Variants in NEDD4L observed in about 807,000 individuals in gnomAD.
NEDD4L encodes E3 ubiquitin-protein ligase NEDD4-like.
NEDD4L carries 54 observed loss-of-function variants against 148.9 expected under a neutral mutation model. The ratio of observed to expected loss-of-function variants is 0.36; its 90% CI spans 0.29 to 0.45. The LOEUF (loss-of-function observed/expected upper bound fraction) is 0.45. NEDD4L is among the 20% of genes least tolerant of loss of function. The pLI is 1.00. For missense variants in NEDD4L, 856 were observed against 1,233.8 expected (o/e 0.69, Z 4.59); for synonymous variants, 433 against 440.7 (o/e 0.98, Z 0.22).
chr18:58,276,212 T>TTG (rs1555782967), intron 5 of NEDD4L, among the ~76,000 whole-genome samples: 5,485 of 103,108 alleles, frequency 0.053, 371 homozygotes, highest in African/African-American at 0.19. Context: ...TTTTTTTTTT[T>TTG]GGGTGGGGAG....
intron 13 of NEDD4L, 156 bp from the exon 14 acceptor site, chr18:58,340,882 A>G (rs1299509696): frequency 5.8e-6 from 4 of 694,290 alleles, no homozygotes; most frequent in East Asian, 5.9e-5. Context: ...TTGGAAATCT[A>G]TTGCTGTTTT....
chr18:58,329,137 C>T lies in NEDD4L; in HGVS notation c.813+10C>T. On this transcript the variant is annotated intron_variant, in intron 10 of 30. Coordinates refer to ENST00000400345, the MANE Select transcript of NEDD4L (RefSeq NM_001144967.3). ...CGGGGATGTCCCCGAGGTACGATGT[C>T]CCCAGAATGGTGCAAAGCCCGGCAG... 2 of 1,613,228 alleles carry T rather than the reference C, an allele frequency of 1.2e-6. No homozygotes were observed. Among genetic ancestry groups the T allele is most frequent in the Non-Finnish European group, 1.7e-6 (2 of 1,179,558 alleles).
chr18:58,131,498 C>G (rs555158174), intron 1 of NEDD4L, among the ~76,000 whole-genome samples: 6 of 150,556 alleles, frequency 4.0e-5, no homozygotes, highest in African/African-American at 1.5e-4. Flanking sequence ...TCTAGTGGAA[C>G]TGTGGTGGTG....
intron 16 of NEDD4L, among the ~76,000 whole-genome samples, chr18:58,347,220 C>CA (rs2043204128): frequency 9.0e-6 from 1 of 111,682 alleles, no homozygotes; most frequent in Non-Finnish European, 1.9e-5. Context: ...CCCCGCCCCC[C>CA]CCCCCCCTTT....
At chr18:58,216,993 T>A (rs7229050) in intron 2 of NEDD4L, among the ~76,000 whole-genome samples, 2,942 of 152,262 alleles carry the variant, frequency 0.019, 93 homozygotes, top group African/African-American at 0.067. Flanking sequence ...AATCTTGGGG[T>A]CTTTTCAAAT....
intron 2 of NEDD4L, among the ~76,000 whole-genome samples, chr18:58,199,748 TTTG>T (rs1413632018): frequency 3.3e-5 from 5 of 152,216 alleles, no homozygotes; most frequent in African/African-American, 1.2e-4. Context: ...TAGGCCTGAA[TTTG>T]TTATTAGCTT....
chr18:58,264,222 G>T (rs1013868101), intron 5 of NEDD4L, among the ~76,000 whole-genome samples: 3 of 151,950 alleles, frequency 2.0e-5, no homozygotes, highest in African/African-American at 7.3e-5. Flanking sequence ...ACATTAGCAC[G>T]CATTATTAGG....
At chr18:58,087,233 C>A (rs1407998906) in intron 1 of NEDD4L, among the ~76,000 whole-genome samples, 2 of 152,208 alleles carry the variant, frequency 1.3e-5, no homozygotes, top group Non-Finnish European at 2.9e-5. Flanking sequence ...CATTTTCCAT[C>A]TCCCACATTG....
intron 12 of NEDD4L, among the ~76,000 whole-genome samples, chr18:58,335,038 A>G (rs1203736129): frequency 2.0e-5 from 3 of 152,148 alleles, no homozygotes; most frequent in Non-Finnish European, 2.9e-5. Flanking sequence ...ATCAATGTCA[A>G]TTTTATTTCC....
chr18:58,179,807 G>A (rs1304108205), intron 2 of NEDD4L, among the ~76,000 whole-genome samples: 1 of 151,932 alleles, frequency 6.6e-6, no homozygotes, highest in Non-Finnish European at 1.5e-5. Context: ...TCTATATTAT[G>A]AAGAGTTGTA....
chr18:58,224,562 TC>T (rs765025802), intron 2 of NEDD4L, among the ~76,000 whole-genome samples: 2 of 152,232 alleles, frequency 1.3e-5, no homozygotes, highest in African/African-American at 2.4e-5. Flanking sequence ...CTGAGGTTAA[TC>T]AGTGAGTGAT....
intron 1 of NEDD4L, among the ~76,000 whole-genome samples, chr18:58,066,387 G>GTTTTTTTTTTTTTTTTT (rs368243667): frequency 8.9e-6 from 1 of 112,104 alleles, no homozygotes; most frequent in Non-Finnish European, 1.8e-5. Context: ...CTCTGTATTA[G>GTTTTTTTTTTTTTTTTT]TTTTTTTTTT....
At position 58,044,329 on chromosome 18, in the gene NEDD4L, AG is replaced by A. The variant is rs1231376965; in HGVS notation, c.-330del. The stretch of plus-strand genomic sequence containing the variant: ...GGCGGAGAGCGGCGGGGCGGGAGGG[AG>A]GCGCGGGTCGCGGGGAGGGAAAGCC... On this transcript the variant is annotated 5_prime_UTR_variant, in exon 1 of 31. Transcript: ENST00000400345. 1 of 152,884 alleles carries A rather than the reference AG, an allele frequency of 6.5e-6. No individual in the cohort carries two copies. Among genetic ancestry groups the A allele is most frequent in the East Asian group, 1.9e-4 (1 of 5,240 alleles). The allele number at this position is 152,884 out of a possible 1,614,324, so 9.5% of individuals were successfully genotyped here. A position where few individuals can be genotyped will look rare whatever the true frequency, so the allele number is the denominator to read the frequency against.
chr18:58,317,809 G>A (rs1223277981), intron 6 of NEDD4L, among the ~76,000 whole-genome samples: 2 of 152,170 alleles, frequency 1.3e-5, no homozygotes, highest in African/African-American at 2.4e-5. Flanking sequence ...AGAGAGGACC[G>A]AGTGCCCCTA....
At chr18:58,382,219 C>T (rs979786924) in intron 24 of NEDD4L, among the ~76,000 whole-genome samples, 6 of 152,174 alleles carry the variant, frequency 3.9e-5, no homozygotes, top group Admixed American at 6.5e-5. Flanking sequence ...TGTGAGTGCT[C>T]GGGTCAGAGG....
chr18:58,279,702 C>T (rs2052707061), intron 5 of NEDD4L, among the ~76,000 whole-genome samples: 1 of 152,178 alleles, frequency 6.6e-6, no homozygotes, highest in Non-Finnish European at 1.5e-5. Flanking sequence ...GTTGCACATG[C>T]TCTGTGATGT....
At chr18:58,302,343 G>A (rs901485733) in intron 5 of NEDD4L, among the ~76,000 whole-genome samples, 17 of 152,190 alleles carry the variant, frequency 1.1e-4, no homozygotes, top group Admixed American at 1.1e-3. Context: ...TGCTCCTTAT[G>A]CTACCTTTCA....
intron 1 of NEDD4L, among the ~76,000 whole-genome samples, chr18:58,137,047 C>T (rs2083861): frequency 0.31 from 47,423 of 152,092 alleles, 7,701 homozygotes; most frequent in Non-Finnish European, 0.36. Context: ...AAGGGTAATA[C>T]GATACGCAGT....
At chr18:58,332,143 C>G (rs1261992517) in intron 11 of NEDD4L, among the ~76,000 whole-genome samples, 1 of 152,116 alleles carries the variant, frequency 6.6e-6, no homozygotes, top group Admixed American at 6.5e-5. Context: ...CTTTAGTAAA[C>G]CAAGTAAACA....
Sources: allele counts gnomAD v4.1 joint callset (sites outside exome capture counted in the v4.1 genomes callset), GRCh38; gene constraint gnomAD v4.1.1; transcripts MANE v1.5; gene names NCBI Gene and HGNC (gene_info 2026-07-23, HGNC 2026-07-21).